Variants in TIAM2 observed in about 807,000 individuals in gnomAD.
TIAM2 encodes the protein rho guanine nucleotide exchange factor TIAM2.
In TIAM2, 80 loss-of-function variants were observed where a neutral mutation model predicts 152.9. The observed-to-expected ratio is 0.52, with a 90% confidence interval of 0.44 to 0.63. The LOEUF is 0.63. TIAM2 is among the 30% of genes least tolerant of loss of function. TIAM2 has a pLI of 0.00. For synonymous variants in TIAM2, 804 were observed against 838.0 expected (o/e 0.96, Z 0.70); for missense variants, 1,965 against 2,120.1 (o/e 0.93, Z 1.44).
chr6:155,064,852 C>T (rs1194717711), intron 1 of TIAM2, among the ~76,000 whole-genome samples: 2 of 152,086 alleles, frequency 1.3e-5, no homozygotes, highest in Non-Finnish European at 1.5e-5. Context: ...GTTTTCTCCC[C>T]ACTCCTTTTG....
At chr6:155,080,389 G>T (rs540209165) in intron 1 of TIAM2, among the ~76,000 whole-genome samples, 38 of 151,424 alleles carry the variant, frequency 2.5e-4, no homozygotes, top group African/African-American at 8.7e-4. Flanking sequence ...AGCTTTTCTT[G>T]TTCTGAGATA....
At chr6:155,252,496 GATAA>G (rs2115356978) in intron 23 of TIAM2, among the ~76,000 whole-genome samples, 1 of 152,160 alleles carries the variant, frequency 6.6e-6, no homozygotes, top group South Asian at 2.1e-4. Flanking sequence ...AAATAAAGTA[GATAA>G]ATACTCATAT....
intron 2 of TIAM2, among the ~76,000 whole-genome samples, chr6:155,094,860 G>A (rs6940872): frequency 0.043 from 6,504 of 151,758 alleles, 458 homozygotes; most frequent in African/African-American, 0.15. Context: ...TGGGATTACA[G>A]GCATGAGCCA....
At chr6:155,154,124 C>G (rs1015316418) in intron 7 of TIAM2, among the ~76,000 whole-genome samples, 1 of 152,134 alleles carries the variant, frequency 6.6e-6, no homozygotes, top group African/African-American at 2.4e-5. Flanking sequence ...CTCTAAACTT[C>G]CTTTTAAAAA....
intron 1 of TIAM2, among the ~76,000 whole-genome samples, chr6:155,005,851 T>C (rs1778392678): frequency 6.6e-6 from 1 of 152,164 alleles, no homozygotes; most frequent in Admixed American, 6.5e-5. Flanking sequence ...GGTTTCACCA[T>C]GTTGGTCAGG....
At chr6:155,025,901 T>C (rs1483949978) in intron 1 of TIAM2, among the ~76,000 whole-genome samples, 2 of 149,224 alleles carry the variant, frequency 1.3e-5, no homozygotes, top group Non-Finnish European at 3.0e-5. Flanking sequence ...GAAGGAAACA[T>C]TTGGATGCTT....
At chr6:155,064,269 A>G (rs936556141) in intron 1 of TIAM2, among the ~76,000 whole-genome samples, 5 of 152,180 alleles carry the variant, frequency 3.3e-5, no homozygotes, top group African/African-American at 1.2e-4. Context: ...TGAGCATTAG[A>G]ATAAAATAAT....
intron 14 of TIAM2, among the ~76,000 whole-genome samples, chr6:155,205,265 C>T (rs1781571990): frequency 7.0e-6 from 1 of 143,148 alleles, no homozygotes; most frequent in African/African-American, 2.6e-5. Flanking sequence ...CAAATGTTCT[C>T]CTGTCACTTT....
intron 15 of TIAM2, among the ~76,000 whole-genome samples, chr6:155,230,652 T>C (rs957785685): frequency 6.6e-6 from 1 of 151,982 alleles, no homozygotes; most frequent in East Asian, 1.9e-4. Flanking sequence ...ATTGTAAAAA[T>C]TCAACCGCTA....
chr6:155,248,169 C>T lies in TIAM2; in HGVS notation c.3822C>T (p.Tyr1274=), dbSNP rs1783442505. 6.2e-7 allele frequency: 1 copy of T among 1,613,614 alleles called. No individual in the cohort carries two copies. The highest frequency in any genetic ancestry group is 8.5e-7 in the Non-Finnish European group (1 of 1,179,956). The stretch of plus-strand genomic sequence containing the variant: ...CGGACCAGGAGAGCGAGGAGCACTA[C>T]CACCTGACGGGTGAGGCGGCGGCGG... ...SLTDQESEEH[Y]HLTEALKAME... The change falls in exon 20 of 27, where the codon TAC becomes TAT. Residue 1274 remains tyrosine, a synonymous_variant. Coordinates refer to ENST00000682666, the MANE Select transcript of TIAM2 (RefSeq NM_012454.4).
rs372348244 is a variant in TIAM2, at chr6:155,254,563, G to A, written c.4458G>A (p.Ser1486=). 7.0e-5 allele frequency: 112 copies of A among 1,610,434 alleles called. No homozygotes were observed. The highest frequency in any genetic ancestry group is 8.9e-5 in the Non-Finnish European group (105 of 1,176,948). The change falls in exon 26 of 27, where the codon TCG becomes TCA. Residue 1486 remains serine, a synonymous_variant. Transcript: ENST00000682666. The part of the protein sequence containing the change: ...LVPLKNRVPV[S]AKLASSRSLK... Reference sequence around the variant, plus strand: ...CTCTTAAGAACCGAGTTCCTGTTTCGGCCAAATTAGGTGAGAATTTTGCTA... The same window carrying A: ...CTCTTAAGAACCGAGTTCCTGTTTCAGCCAAATTAGGTGAGAATTTTGCTA...
chr6:155,153,873 C>T (rs573595570), intron 7 of TIAM2, among the ~76,000 whole-genome samples: 4 of 152,138 alleles, frequency 2.6e-5, no homozygotes, highest in South Asian at 4.1e-4. Flanking sequence ...CTGCCTGCCT[C>T]GACCTCCCAA....
intron 13 of TIAM2, among the ~76,000 whole-genome samples, chr6:155,182,696 T>C (rs1046115462): frequency 9.2e-5 from 14 of 151,832 alleles, no homozygotes; most frequent in Admixed American, 8.5e-4. Context: ...TGTATACATA[T>C]ATATAGACAG....
chr6:155,168,678 A>G (rs1041205917), intron 9 of TIAM2, among the ~76,000 whole-genome samples: 1 of 152,226 alleles, frequency 6.6e-6, no homozygotes, highest in Non-Finnish European at 1.5e-5. Flanking sequence ...AAACGTAACT[A>G]TGCGGGAAAT....
In TIAM2 at chr6:155,236,465, C is replaced by A. The variant is rs1335741522; in HGVS notation, c.3169-4065C>A. ...ATCACCTGAGGTCAGGAGTTTAAGA[C>A]CAGCCTGGCCAACATGGCAAAACCC... is the stretch of plus-strand genomic sequence containing the variant. On this transcript the variant is annotated intron_variant, in intron 15 of 26. Transcript: ENST00000682666. 2.0e-5 allele frequency among the ~76,000 whole-genome samples: 3 copies of A among 152,020 alleles called. No homozygotes were observed. In the East Asian group the frequency reaches 5.8e-4, roughly 29 times the overall value.
rs948263701 is a variant in TIAM2, at chr6:155,218,166, A to G, written c.3168+6859A>G. On this transcript the variant is annotated intron_variant, in intron 15 of 26. Transcript: ENST00000682666. The surrounding 1 kb of genome is among the most constrained non-coding windows in gnomAD (Gnocchi z 4.5). ...TATTTATAAACCGTAGTCTTTCTCCATGGTTGCTATTCAATAGATGAATAG... is the reference window on the plus strand; with the variant it reads ...TATTTATAAACCGTAGTCTTTCTCCGTGGTTGCTATTCAATAGATGAATAG... Among the ~76,000 whole-genome samples, 1 of 152,230 alleles carries G rather than the reference A, an allele frequency of 6.6e-6. No homozygotes were observed. The highest frequency in any genetic ancestry group is 2.4e-5 in the African/African-American group (1 of 41,450).
At chr6:155,150,233 A>G (rs1163042868) in intron 7 of TIAM2, among the ~76,000 whole-genome samples, 1 of 152,216 alleles carries the variant, frequency 6.6e-6, no homozygotes, top group Non-Finnish European at 1.5e-5. Context: ...AAATAATTGT[A>G]AAATATGGAC....
intron 1 of TIAM2, among the ~76,000 whole-genome samples, chr6:155,032,922 C>A (rs941041024): frequency 6.6e-6 from 1 of 152,190 alleles, no homozygotes; most frequent in African/African-American, 2.4e-5. Context: ...ATAAAAGAAT[C>A]ATTTCCCCCT....
chr6:155,111,329 ACACACACAC>A (rs1778843824), intron 2 of TIAM2, among the ~76,000 whole-genome samples: 1 of 127,490 alleles, frequency 7.8e-6, no homozygotes, highest in Non-Finnish European at 1.7e-5. Flanking sequence ...ACACACACAC[ACACACACAC>A]TCTCCGTTGA....
Sources: gnomAD v4.1 joint callset for allele counts (sites outside exome capture counted in the v4.1 genomes callset) on GRCh38, gnomAD v4.1.1 for gene constraint, Gnocchi (gnomAD v3.1) non-coding constraint, MANE v1.5 for transcripts, NCBI Gene and HGNC (gene_info 2026-07-23, HGNC 2026-07-21) for gene names.